Variants in KDM6A observed in about 807,000 individuals in gnomAD.
KDM6A encodes the protein lysine demethylase 6A.
KDM6A carries 11 observed loss-of-function variants against 117.6 expected under a neutral mutation model. The ratio of observed to expected loss-of-function variants is 0.09; its 90% confidence interval spans 0.06 to 0.15. The LOEUF (loss-of-function observed/expected upper bound fraction) is 0.15. Among genes scored for constraint, KDM6A ranks in the 10% least tolerant of loss-of-function variants. KDM6A has a pLI of 1.00. For missense variants in KDM6A, 799 were observed against 1,077.3 expected, an observed-to-expected ratio of 0.74 and a Z score of 3.62; for synonymous variants, 384 against 396.1, an observed-to-expected ratio of 0.97 and a Z score of 0.36.
chrX:45,040,501 C>T (rs1180321836), intron 8 of KDM6A, among the ~76,000 whole-genome samples: 27 of 71,563 alleles, frequency 3.8e-4, no homozygotes, highest in Admixed American at 6.9e-4. Context: ...GGGGGGCTGA[C>T]CCCCCCACCT....
chrX:44,989,958 A>G (rs2147385585), intron 4 of KDM6A, among the ~76,000 whole-genome samples: 1 of 111,901 alleles, frequency 8.9e-6, no homozygotes, highest in East Asian at 2.8e-4. Context: ...CTTTTATATA[A>G]AAATCATTTT....
chrX:44,954,981 A>G (rs1418178052), intron 2 of KDM6A, among the ~76,000 whole-genome samples: 1 of 111,618 alleles, frequency 9.0e-6, no homozygotes, highest in Non-Finnish European at 1.9e-5. Flanking sequence ...GTGTAGGCAT[A>G]AAGAAATGAT....
rs750833072 is a variant in KDM6A at position 45,080,356 on chromosome X, C to G, written c.3300+1005C>G. Among the ~76,000 whole-genome samples, 5 of 111,591 alleles carry G rather than the reference C, an allele frequency of 4.5e-5. No individual in the cohort carries two copies. In the East Asian group the frequency reaches 1.4e-3, roughly 31 times the overall value. On this transcript the variant is annotated intron_variant, in intron 21 of 29. Transcript: ENST00000611820. ...TATTATTATTAAAAGACCCATATAG[C>G]CCTTTCAGCACTGAAGCATTACAAA...
chrX:44,930,543 G>A (rs927078849), intron 2 of KDM6A, among the ~76,000 whole-genome samples: 2 of 111,439 alleles, frequency 1.8e-5, no homozygotes, highest in African/African-American at 6.5e-5. Flanking sequence ...GAAAAGGGTT[G>A]TTCTATTCAA....
chrX:44,967,249 C>T (rs1349360572), intron 3 of KDM6A, among the ~76,000 whole-genome samples: 2 of 111,408 alleles, frequency 1.8e-5, no homozygotes, highest in South Asian at 3.8e-4. Flanking sequence ...AGCCCTCTCC[C>T]TTCCTCTCCA....
chrX:44,950,386 TG>T (rs747994562), intron 2 of KDM6A, among the ~76,000 whole-genome samples: 8 of 111,995 alleles, frequency 7.1e-5, no homozygotes, highest in Non-Finnish European at 1.1e-4. Context: ...ATACTGTCCT[TG>T]GCCCCAAAAT....
intron 27 of KDM6A, among the ~76,000 whole-genome samples, chrX:45,092,690 AT>A (rs1298885780): frequency 9.0e-6 from 1 of 111,585 alleles, no homozygotes; most frequent in Admixed American, 9.6e-5. Context: ...AGTATAATTT[AT>A]TTATATGAAT....
chrX:45,011,375 A>C (rs113447622), intron 5 of KDM6A, among the ~76,000 whole-genome samples: 4,252 of 110,964 alleles, frequency 0.038, 214 homozygotes, highest in African/African-American at 0.13. Flanking sequence ...TATGTGGGTA[A>C]ATGGTCTATG....
chrX:44,893,310 C>T (rs1030082092), intron 2 of KDM6A, among the ~76,000 whole-genome samples: 31 of 111,533 alleles, frequency 2.8e-4, no homozygotes, highest in African/African-American at 1.0e-3. Flanking sequence ...TGAGTTGTCT[C>T]TTTGTTTACT....
At chrX:44,980,194 C>T (rs1157095128) in intron 4 of KDM6A, among the ~76,000 whole-genome samples, 1 of 110,211 alleles carries the variant, frequency 9.1e-6, no homozygotes, top group Non-Finnish European at 1.9e-5. Context: ...ACAGGTTTCA[C>T]CATGTTGGCC....
At chrX:44,911,421 C>G (rs1257464017) in intron 2 of KDM6A, among the ~76,000 whole-genome samples, 1 of 110,572 alleles carries the variant, frequency 9.0e-6, no homozygotes, top group Non-Finnish European at 1.9e-5. Context: ...CTCCTCACAT[C>G]CCAGACGGGG....
At chrX:45,088,680 G>T (rs932056952) in intron 25 of KDM6A, among the ~76,000 whole-genome samples, 2 of 113,510 alleles carry the variant, frequency 1.8e-5, no homozygotes, top group Admixed American at 9.2e-5. Flanking sequence ...CATTTTTACT[G>T]TGTAAGTTCT....
At chrX:45,003,717 T>TTCTCTCTTTGACTGTC (rs1404710320) in intron 4 of KDM6A, among the ~76,000 whole-genome samples, 2 of 109,899 alleles carry the variant, frequency 1.8e-5, no homozygotes, top group Admixed American at 9.7e-5. Flanking sequence ...CTCTCTTTCT[T>TTCTCTCTTTGACTGTC]TCTCTCTTTG....
At chrX:44,990,465 G>A (rs894046307) in intron 4 of KDM6A, among the ~76,000 whole-genome samples, 3 of 110,164 alleles carry the variant, frequency 2.7e-5, no homozygotes, top group African/African-American at 6.6e-5. Flanking sequence ...CAGGAGAATC[G>A]CTTGAACCCT....
intron 2 of KDM6A, among the ~76,000 whole-genome samples, chrX:44,955,611 C>T (rs1253068614): frequency 9.0e-6 from 1 of 111,090 alleles, no homozygotes; most frequent in Non-Finnish European, 1.9e-5. Context: ...AAAACTGAAA[C>T]TTTATACCCA....
chrX:45,057,477 C>T (rs1258378385), intron 10 of KDM6A, among the ~76,000 whole-genome samples: 1 of 111,335 alleles, frequency 9.0e-6, no homozygotes, highest in Non-Finnish European at 1.9e-5. Flanking sequence ...AGTACTTTCA[C>T]TCCAATTTTG....
At chrX:45,081,813 C>T (rs1045486280) in intron 21 of KDM6A, among the ~76,000 whole-genome samples, 2 of 109,903 alleles carry the variant, frequency 1.8e-5, no homozygotes, top group African/African-American at 6.6e-5. Flanking sequence ...GAGTCTCACT[C>T]TGTCGCCCAG....
intron 2 of KDM6A, among the ~76,000 whole-genome samples, chrX:44,886,491 C>CTT (rs759245220): frequency 8.2e-5 from 8 of 97,574 alleles, no homozygotes; most frequent in African/African-American, 1.9e-4. Context: ...TACTTACTAT[C>CTT]TTTTTTTTTT....
At chrX:44,936,480 C>T (rs2036975568) in intron 2 of KDM6A, among the ~76,000 whole-genome samples, 1 of 111,748 alleles carries the variant, frequency 8.9e-6, no homozygotes, top group South Asian at 3.7e-4. Context: ...CTGAGGAAAT[C>T]CCAAAGCTGT....
Sources: allele counts gnomAD v4.1 joint callset (sites outside exome capture counted in the v4.1 genomes callset), GRCh38; gene constraint gnomAD v4.1.1; transcripts MANE v1.5; gene names NCBI Gene and HGNC (gene_info 2026-07-23, HGNC 2026-07-21).